CD34: variants seen among roughly 807,000 people sequenced by gnomAD.
The protein encoded by CD34 is CD34 molecule.
CD34 carries 34 observed loss-of-function variants against 40.1 expected under a neutral mutation model. The ratio of observed to expected loss-of-function variants is 0.85; its 90% CI spans 0.65 to 1.13. The LOEUF is 1.13. CD34 is among the 50% of genes most tolerant of loss of function. The pLI is 0.00. For synonymous variants in CD34, 209 were observed against 190.0 expected, an observed-to-expected ratio of 1.10 and a Z score of -0.82; for missense variants, 426 against 466.9, an observed-to-expected ratio of 0.91 and a Z score of 0.81.
At chr1:207,897,220 A>T (rs1179654353) in intron 4 of CD34, among the ~76,000 whole-genome samples, 1 of 152,192 alleles carries the variant, frequency 6.6e-6, no homozygotes, top group Non-Finnish European at 1.5e-5. Context: ...AAAATTTAAA[A>T]AGTACTATAG....
intron 4 of CD34, among the ~76,000 whole-genome samples, chr1:207,891,561 T>C (rs1571769184): frequency 6.6e-6 from 1 of 151,792 alleles, no homozygotes; most frequent in Non-Finnish European, 1.5e-5. Context: ...CATGCACTTA[T>C]AGTACCAGCT....
At chr1:207,889,347 A>G (rs1382109206) in intron 5 of CD34, 118 bp downstream of exon 5, 41 of 1,540,162 alleles carry the variant, frequency 2.7e-5, no homozygotes, top group Non-Finnish European at 3.6e-5. Context: ...AAAGCCAGCC[A>G]AGTCCTTCTC....
At chr1:207,903,511 A>C (rs2724379) in intron 1 of CD34, among the ~76,000 whole-genome samples, 36,794 of 152,190 alleles carry the variant, frequency 0.24, 5,406 homozygotes, top group Non-Finnish European at 0.34. Flanking sequence ...ATCCTTATTA[A>C]CTGTGTTTCC....
Position 207,889,568 on chromosome 1 carries a change from C to T in CD34, c.651G>A (p.Glu217=), listed in dbSNP as rs538605912. 1 of 1,614,192 alleles carries T rather than the reference C, an allele frequency of 6.2e-7. No homozygotes were observed. The highest frequency in any genetic ancestry group is 1.3e-5 in the African/African-American group (1 of 75,042). ...CCCCAGCATCAGCATCAGCCTGCTCCTCCCCACACAGCACTCGGGCCAGGC... is the reference window on the plus strand; with the variant it reads ...CCCCAGCATCAGCATCAGCCTGCTCTTCCCCACACAGCACTCGGGCCAGGC... The part of the protein sequence containing the change: ...GEGLARVLCG[E]EQADADAGAQ... The change falls in exon 5 of 8, where the codon GAG becomes GAA. Residue 217 remains glutamate, a synonymous_variant. Coordinates refer to ENST00000310833, the MANE Select transcript of CD34 (RefSeq NM_001025109.2).
At chr1:207,892,399 G>A (rs963161565) in intron 4 of CD34, among the ~76,000 whole-genome samples, 1 of 152,172 alleles carries the variant, frequency 6.6e-6, no homozygotes, top group Non-Finnish European at 1.5e-5. Context: ...CCAAAATGGT[G>A]AAACTTTGTC....
rs1241098194 is a variant in CD34 at position 207,911,040 on chromosome 1, G to T, written c.41C>A (p.Pro14Gln). The T allele has an allele frequency of 8.2e-6, 13 of 1,593,348 alleles. No homozygotes were observed. The highest frequency in any genetic ancestry group is 1.0e-5 in the Non-Finnish European group (12 of 1,173,278). ...RRGARAGPRMPRGWTALCLLS... is the reference protein window; with the variant it reads ...RRGARAGPRMQRGWTALCLLS... ...CAAGCAAAGCGCGGTCCAGCCCCGCGGCATCCTGGGCCCTGCGCGCGCGCC... is the reference window on the plus strand; with the variant it reads ...CAAGCAAAGCGCGGTCCAGCCCCGCTGCATCCTGGGCCCTGCGCGCGCGCC... Residue 14 changes from proline to glutamine, a missense_variant, in exon 1 of 8, where the codon CCG becomes CAG. Pro to Gln is a moderately conservative substitution (Grantham distance 76, BLOSUM62 -1). Coordinates refer to ENST00000310833, the MANE Select transcript of CD34 (RefSeq NM_001025109.2).
intron 1 of CD34, 105 bp downstream of exon 1, chr1:207,910,897 G>C (rs534819571): frequency 8.5e-7 from 1 of 1,180,682 alleles, no homozygotes; most frequent in Non-Finnish European, 1.2e-6. Context: ...GTTGGGCAGG[G>C]GTCCCTTCCC....
intron 4 of CD34, among the ~76,000 whole-genome samples, chr1:207,895,346 G>C (rs1662129081): frequency 6.6e-6 from 1 of 152,140 alleles, no homozygotes; most frequent in Non-Finnish European, 1.5e-5. Context: ...AGGATGAGGA[G>C]CCCTCAGGAA....
intron 6 of CD34, 107 bp downstream of exon 6, chr1:207,889,054 A>G: frequency 1.1e-6 from 1 of 899,874 alleles, no homozygotes; most frequent in Admixed American, 1.9e-5. Context: ...GAAGACTCAG[A>G]GAAGGATGGT....
chr1:207,894,076 G>C (rs1355851154), intron 4 of CD34, among the ~76,000 whole-genome samples: 3 of 152,112 alleles, frequency 2.0e-5, no homozygotes, highest in Non-Finnish European at 4.4e-5. Flanking sequence ...ACTCAAATCA[G>C]GTTGCCAAGG....
chr1:207,899,902 T>G lies in CD34; in HGVS notation c.181A>C (p.Thr61Pro). 5.0e-6 allele frequency: 8 copies of G among 1,614,050 alleles called. No individual in the cohort carries two copies. The highest frequency in any genetic ancestry group is 6.8e-6 in the Non-Finnish European group (8 of 1,179,942). The change falls in exon 2 of 8, where the codon ACT (threonine) becomes CCT (proline). Residue 61 changes from threonine to proline, a missense_variant. Physicochemically the swap from Thr to Pro is conservative, Grantham distance 38. Transcript: ENST00000310833. Reference protein sequence around the residue: ...NVSTNVSYQETTTPSTLGSTS... With the variant: ...NVSTNVSYQEPTTPSTLGSTS... ...CTTCCAAGGGTACTAGGTGTTGTAG[T>G]TTCTTGGTAGGATACATTTGTAGAA... is the stretch of plus-strand genomic sequence containing the variant.
chr1:207,908,691 G>T (rs568304268), intron 1 of CD34, among the ~76,000 whole-genome samples: 1 of 152,236 alleles, frequency 6.6e-6, no homozygotes, highest in East Asian at 1.9e-4. Context: ...TACCTGAAAG[G>T]CTTCCTGCTC....
rs968248585 is a variant in CD34 at position 207,883,004 on chromosome 1, C to T, written c.*4734G>A. 6 of 152,162 alleles carry T rather than the reference C, an allele frequency of 3.9e-5. No homozygotes were observed. The highest frequency in any genetic ancestry group is 1.4e-4 in the African/African-American group (6 of 41,428). The allele number at this position is 152,162 out of a possible 1,614,324, so 9.4% of individuals were successfully genotyped here. ...TTATCCCAGGTGCCTGGCATAGTAC[C>T]TGGCTTATAATAAGCACTCAAATAT... is the stretch of plus-strand genomic sequence containing the variant. On this transcript the variant is annotated 3_prime_UTR_variant, in exon 8 of 8. Coordinates refer to ENST00000310833, the MANE Select transcript of CD34 (RefSeq NM_001025109.2).
In CD34 at chr1:207,884,328, A is replaced by G. The variant is rs528121793; in HGVS notation, c.*3410T>C. The G allele has an allele frequency of 1.3e-5, 2 of 152,262 alleles. No homozygotes were observed. Among genetic ancestry groups the G allele is most frequent in the African/African-American group, 4.8e-5 (2 of 41,472 alleles). The allele number at this position is 152,262 out of a possible 1,614,324, so 9.4% of individuals were successfully genotyped here. Reference sequence around the variant, plus strand: ...AGCTCTCAATCCTGAAAACACATGTATATACTTACTGAGATGACATTGTTT... The same window carrying G: ...AGCTCTCAATCCTGAAAACACATGTGTATACTTACTGAGATGACATTGTTT... On this transcript the variant is annotated 3_prime_UTR_variant, in exon 8 of 8. Transcript: ENST00000310833.
intron 4 of CD34, among the ~76,000 whole-genome samples, chr1:207,890,777 A>AC (rs1181614855): frequency 1.3e-5 from 2 of 151,310 alleles, no homozygotes; most frequent in African/African-American, 4.9e-5. Flanking sequence ...GCCTCAAAAA[A>AC]CCCCCAGGAA....
chr1:207,909,686 C>T (rs1035701261), intron 1 of CD34, among the ~76,000 whole-genome samples: 5 of 152,214 alleles, frequency 3.3e-5, no homozygotes, highest in Admixed American at 1.3e-4. Flanking sequence ...GGATTGCAAG[C>T]GTGAGCCACT....
At chr1:207,908,518 TG>T (rs1662435325) in intron 1 of CD34, among the ~76,000 whole-genome samples, 1 of 152,192 alleles carries the variant, frequency 6.6e-6, no homozygotes, top group Admixed American at 6.5e-5. Flanking sequence ...CATGTAGCCC[TG>T]GACAGGATAT....
chr1:207,887,865 C>T lies in CD34; in HGVS notation c.1031G>A (p.Gly344Glu). 1 of 1,614,172 alleles carries T rather than the reference C, an allele frequency of 6.2e-7. No individual in the cohort carries two copies. The highest frequency in any genetic ancestry group is 8.5e-7 in the Non-Finnish European group (1 of 1,180,026). The stretch of plus-strand genomic sequence containing the variant: ...CTTTCCCTGAGCCTCAGGGGAGGTC[C>T]CAGGTCCTGAGCTATAGCCCTGGCC... ...GGGQGYSSGPGTSPEAQGKAS... is the reference protein window; with the variant it reads ...GGGQGYSSGPETSPEAQGKAS... Residue 344 changes from glycine to glutamate, a missense_variant, in exon 8 of 8, where the codon GGG becomes GAG. Physicochemically the swap from Gly to Glu is moderately conservative, Grantham distance 98. Coordinates refer to ENST00000310833, the MANE Select transcript of CD34 (RefSeq NM_001025109.2).
intron 1 of CD34, among the ~76,000 whole-genome samples, chr1:207,907,050 C>T (rs754732733): frequency 5.3e-5 from 8 of 151,898 alleles, no homozygotes; most frequent in Non-Finnish European, 1.0e-4. Context: ...ACCACTTCAC[C>T]GTAAGTTAGC....
Sources: allele counts gnomAD v4.1 joint callset (sites outside exome capture counted in the v4.1 genomes callset), GRCh38; gene constraint gnomAD v4.1.1; transcripts MANE v1.5; gene names NCBI Gene and HGNC (gene_info 2026-07-23, HGNC 2026-07-21).